Variants in GPC6 observed in about 807,000 individuals in gnomAD.
GPC6 encodes the protein glypican 6, also known as glypican-6.
GPC6 carries 14 observed loss-of-function variants against 55.2 expected under a neutral mutation model. The ratio of observed to expected loss-of-function variants is 0.25; its 90% CI spans 0.17 to 0.40. GPC6 has a LOEUF of 0.40. GPC6 is among the 10% of genes least tolerant of loss of function. The pLI is 1.00. For synonymous variants in GPC6, 278 were observed against 259.6 expected, an observed-to-expected ratio of 1.07 and a Z score of -0.68; for missense variants, 641 against 708.5, an observed-to-expected ratio of 0.90 and a Z score of 1.08.
chr13:94,348,035 T>G (rs2139164747), intron 6 of GPC6, among the ~76,000 whole-genome samples: 1 of 152,342 alleles, frequency 6.6e-6, no homozygotes, highest in South Asian at 2.1e-4. Flanking sequence ...CCAAGTGCCA[T>G]GAAGGACATT....
At chr13:93,309,003 T>A (rs1045688032) in intron 1 of GPC6, among the ~76,000 whole-genome samples, 2 of 152,190 alleles carry the variant, frequency 1.3e-5, no homozygotes, top group Non-Finnish European at 2.9e-5. Flanking sequence ...AATGGGCACT[T>A]ATTGAGTAGG....
At chr13:94,253,412 C>T (rs1447707604) in intron 4 of GPC6, among the ~76,000 whole-genome samples, 4 of 152,088 alleles carry the variant, frequency 2.6e-5, no homozygotes, top group African/African-American at 9.7e-5. Flanking sequence ...AATAATACTG[C>T]GTTTATCTCA....
intron 2 of GPC6, among the ~76,000 whole-genome samples, chr13:93,678,111 A>C (rs1390421691): frequency 6.6e-6 from 1 of 152,144 alleles, no homozygotes; most frequent in Non-Finnish European, 1.5e-5. Flanking sequence ...CTCTATTTAC[A>C]GGCAAAAAAT....
chr13:93,330,098 T>A (rs184152934), intron 1 of GPC6, among the ~76,000 whole-genome samples: 31 of 152,306 alleles, frequency 2.0e-4, no homozygotes, highest in African/African-American at 7.5e-4. Flanking sequence ...TATACATGGA[T>A]GCATTTTGCA....
chr13:94,015,198 G>A (rs1216717499), intron 3 of GPC6, among the ~76,000 whole-genome samples: 1 of 152,106 alleles, frequency 6.6e-6, no homozygotes, highest in African/African-American at 2.4e-5. Flanking sequence ...CACCCACACT[G>A]GTTATTATCT....
intron 3 of GPC6, among the ~76,000 whole-genome samples, chr13:94,001,634 A>G (rs1336404295): frequency 6.6e-6 from 1 of 152,222 alleles, no homozygotes; most frequent in African/African-American, 2.4e-5. Context: ...TGGCACAATG[A>G]AAAGTACCCC....
At chr13:94,111,159 C>A (rs1013427625) in intron 4 of GPC6, among the ~76,000 whole-genome samples, 1 of 151,732 alleles carries the variant, frequency 6.6e-6, no homozygotes, top group Non-Finnish European at 1.5e-5. Flanking sequence ...TATTCTTTGC[C>A]CATTTTTTCT....
intron 3 of GPC6, among the ~76,000 whole-genome samples, chr13:93,928,735 A>G (rs1877988266): frequency 7.2e-6 from 1 of 138,954 alleles, no homozygotes; most frequent in South Asian, 2.5e-4. Flanking sequence ...CTGTACTAGT[A>G]TGACGAGGTA....
chr13:94,046,716 C>T (rs115419685), intron 4 of GPC6, among the ~76,000 whole-genome samples: 2,004 of 151,976 alleles, frequency 0.013, 43 homozygotes, highest in African/African-American at 0.045. Context: ...ATGTTGTTTT[C>T]CTGCGTTTGT....
At chr13:94,272,658 C>T (rs552097841) in intron 4 of GPC6, among the ~76,000 whole-genome samples, 5 of 151,740 alleles carry the variant, frequency 3.3e-5, no homozygotes, top group South Asian at 4.2e-4. Context: ...TTGGTAGAGA[C>T]AGGGTTTCAC....
chr13:94,045,258 G>T (rs1375269399), intron 4 of GPC6, among the ~76,000 whole-genome samples: 2 of 151,830 alleles, frequency 1.3e-5, no homozygotes, highest in African/African-American at 4.8e-5. Flanking sequence ...AAATCGAGTA[G>T]ATAGACCATA....
intron 1 of GPC6, among the ~76,000 whole-genome samples, chr13:93,514,620 C>T (rs1881114090): frequency 1.3e-5 from 2 of 152,264 alleles, no homozygotes; most frequent in South Asian, 2.1e-4. Context: ...CGTATGGGCA[C>T]ATGTTAGAAT....
chr13:93,538,404 G>T (rs527844141), intron 1 of GPC6, among the ~76,000 whole-genome samples: 3 of 152,092 alleles, frequency 2.0e-5, no homozygotes. Flanking sequence ...ATGTATTCCT[G>T]GGAGTAAGAA....
intron 6 of GPC6, among the ~76,000 whole-genome samples, chr13:94,369,704 A>G (rs531000862): frequency 6.6e-6 from 1 of 152,264 alleles, no homozygotes; most frequent in South Asian, 2.1e-4. Flanking sequence ...AGTAGTCTGG[A>G]ATCCTAATTA....
At chr13:93,377,100 C>A (rs1392571221) in intron 1 of GPC6, among the ~76,000 whole-genome samples, 1 of 152,176 alleles carries the variant, frequency 6.6e-6, no homozygotes, top group Non-Finnish European at 1.5e-5. Flanking sequence ...CATACACAAT[C>A]TTCTTTCACA....
chr13:93,997,637 A>T (rs1397736778), intron 3 of GPC6, among the ~76,000 whole-genome samples: 2 of 151,756 alleles, frequency 1.3e-5, no homozygotes, highest in Non-Finnish European at 2.9e-5. Flanking sequence ...AACCTAGGAA[A>T]CTACCAAGAT....
chr13:93,944,558 T>C (rs1878906080), intron 3 of GPC6, among the ~76,000 whole-genome samples: 1 of 152,200 alleles, frequency 6.6e-6, no homozygotes, highest in Non-Finnish European at 1.5e-5. Context: ...AAACATAAGA[T>C]ACCTACATGT....
chr13:93,506,658 A>G (rs1270819730), intron 1 of GPC6, among the ~76,000 whole-genome samples: 3 of 151,968 alleles, frequency 2.0e-5, no homozygotes, highest in African/African-American at 7.2e-5. Flanking sequence ...TGGTTCCATA[A>G]CCCACTTTAT....
In GPC6 at chr13:93,996,512, G is replaced by A. The variant is rs116173904; in HGVS notation, c.712-31217G>A. On this transcript the variant is annotated intron_variant, in intron 3 of 8. Coordinates refer to ENST00000377047, the MANE Select transcript of GPC6 (RefSeq NM_005708.5). ...TTCGAGTCCTTAGGTGCATGGACCG[G>A]GGAGAATATTTTTCTTGGTGGTTAG... Among the ~76,000 whole-genome samples, 377 of 152,166 alleles carry A rather than the reference G, an allele frequency of 2.5e-3. 1 individual carries two copies. The highest frequency in any genetic ancestry group is 8.8e-3 in the African/African-American group (364 of 41,528).
Sources: gnomAD v4.1 joint callset for allele counts (sites outside exome capture counted in the v4.1 genomes callset) on GRCh38, gnomAD v4.1.1 for gene constraint, MANE v1.5 for transcripts, NCBI Gene and HGNC (gene_info 2026-07-23, HGNC 2026-07-21) for gene names.